Variants in MACROD2 observed in about 807,000 individuals in gnomAD.
MACROD2 encodes mono-ADP ribosylhydrolase 2.
MACROD2 carries 36 observed loss-of-function variants against 70.4 expected under a neutral mutation model. The ratio of observed to expected loss-of-function variants is 0.51; its 90% CI spans 0.39 to 0.68. The LOEUF is 0.68. Ranked by LOEUF, MACROD2 falls within the 30% of genes least tolerant of loss-of-function variation. MACROD2 has a pLI of 0.00. For synonymous variants in MACROD2, 172 were observed against 178.8 expected (o/e 0.96, Z 0.30); for missense variants, 496 against 538.4 (o/e 0.92, Z 0.78).
At chr20:14,652,827 G>A (rs1985746184) in intron 4 of MACROD2, among the ~76,000 whole-genome samples, 1 of 152,076 alleles carries the variant, frequency 6.6e-6, no homozygotes, top group Admixed American at 6.5e-5. Context: ...TGTTTATTTT[G>A]CCACTGGGAA....
At chr20:14,571,983 A>G (rs1223086874) in intron 4 of MACROD2, among the ~76,000 whole-genome samples, 1 of 152,038 alleles carries the variant, frequency 6.6e-6, no homozygotes, top group African/African-American at 2.4e-5. Context: ...CACTCTAATA[A>G]AATGATTAGT....
intron 5 of MACROD2, among the ~76,000 whole-genome samples, chr20:15,115,395 A>G (rs531273866): frequency 6.6e-6 from 1 of 152,090 alleles, no homozygotes; most frequent in Admixed American, 6.5e-5. Flanking sequence ...ATGCCCAGCT[A>G]ATTTTTTTTG....
At chr20:14,030,003 A>G (rs1376654147) in intron 2 of MACROD2, among the ~76,000 whole-genome samples, 1 of 152,194 alleles carries the variant, frequency 6.6e-6, no homozygotes, top group Non-Finnish European at 1.5e-5. Context: ...GGAGGGAGCT[A>G]AGAAATAGTA....
At chr20:16,009,485 G>A (rs1476721315) in intron 15 of MACROD2, among the ~76,000 whole-genome samples, 2 of 152,166 alleles carry the variant, frequency 1.3e-5, no homozygotes, top group East Asian at 1.9e-4. Flanking sequence ...GGCCAGGCAC[G>A]GTGGCTCATG....
chr20:15,852,540 G>T (rs1037424699), intron 8 of MACROD2, among the ~76,000 whole-genome samples: 1 of 152,226 alleles, frequency 6.6e-6, no homozygotes, highest in Non-Finnish European at 1.5e-5. Flanking sequence ...AGCAGGTTCT[G>T]TGGTGTTGTG....
chr20:15,880,327 G>A (rs938062434), intron 9 of MACROD2, among the ~76,000 whole-genome samples: 60 of 151,634 alleles, frequency 4.0e-4, no homozygotes, highest in African/African-American at 1.4e-3. Flanking sequence ...GATGATTCAC[G>A]TCCACATGTT....
At chr20:15,979,979 G>C (rs189873923) in intron 13 of MACROD2, among the ~76,000 whole-genome samples, 2 of 152,158 alleles carry the variant, frequency 1.3e-5, no homozygotes, top group African/African-American at 4.8e-5. Context: ...CGAGCTCCCC[G>C]AATGCACAAT....
intron 5 of MACROD2, among the ~76,000 whole-genome samples, chr20:15,008,173 T>A (rs1030462741): frequency 5.9e-5 from 9 of 152,172 alleles, no homozygotes; most frequent in African/African-American, 2.2e-4. Flanking sequence ...ATAAGATTAT[T>A]TAAAATCTTA....
At chr20:15,170,365 G>C (rs954881560) in intron 5 of MACROD2, among the ~76,000 whole-genome samples, 3 of 152,180 alleles carry the variant, frequency 2.0e-5, no homozygotes, top group Non-Finnish European at 4.4e-5. Context: ...GGAGATCAGA[G>C]AAAAGTCACT....
At chr20:15,951,374 G>C (rs1056663173) in intron 12 of MACROD2, among the ~76,000 whole-genome samples, 1 of 150,984 alleles carries the variant, frequency 6.6e-6, no homozygotes, top group African/African-American at 2.4e-5. Context: ...GAGAGAAAGA[G>C]CACAGGGGAA....
At chr20:14,295,193 T>C (rs2122465796) in intron 3 of MACROD2, among the ~76,000 whole-genome samples, 1 of 152,016 alleles carries the variant, frequency 6.6e-6, no homozygotes, top group African/African-American at 2.4e-5. Context: ...TAAATTCAGC[T>C]TGGAAACACT....
chr20:15,724,864 C>T (rs934085564), intron 8 of MACROD2, among the ~76,000 whole-genome samples: 3 of 152,096 alleles, frequency 2.0e-5, no homozygotes, highest in Admixed American at 1.3e-4. Context: ...AGGCGGATCA[C>T]GAGGTCAGGA....
Position 14,988,892 on chromosome 20 carries a change from T to C in MACROD2, c.419-241048T>C, listed in dbSNP as rs113978633. 7.3e-3 allele frequency among the ~76,000 whole-genome samples: 1,114 copies of C among 152,258 alleles called. 14 individuals are homozygous for C. The highest frequency in any genetic ancestry group is 0.025 in the African/African-American group (1,059 of 41,552). ...CGGAATTTCTGCAGACATTTAAAATTATTGTTTAATATTTAAATTATTTAT... is the reference window on the plus strand; with the variant it reads ...CGGAATTTCTGCAGACATTTAAAATCATTGTTTAATATTTAAATTATTTAT... On this transcript the variant is annotated intron_variant, in intron 5 of 17. Coordinates refer to ENST00000684519, the MANE Select transcript of MACROD2 (RefSeq NM_001351661.2).
intron 5 of MACROD2, among the ~76,000 whole-genome samples, chr20:15,133,054 G>A (rs145792746): frequency 6.6e-6 from 1 of 152,124 alleles, no homozygotes; most frequent in African/African-American, 2.4e-5. Context: ...AATTCCAGAT[G>A]GAAGAAAGTA....
Position 15,306,620 on chromosome 20 carries a change from A to G in MACROD2, c.540+76559A>G, listed in dbSNP as rs1179003264. Among the ~76,000 whole-genome samples, 4 of 152,100 alleles carry G rather than the reference A, an allele frequency of 2.6e-5. No individual in the cohort carries two copies. The East Asian group carries it at 7.7e-4, about 29-fold the overall frequency. On this transcript the variant is annotated intron_variant, in intron 6 of 17. Transcript: ENST00000684519. ...TCTCAGGGTCTATTTTCTTCCCTGA[A>G]TCCTCGTGTATGTGAAACTCTAACA...
intron 6 of MACROD2, among the ~76,000 whole-genome samples, chr20:15,232,140 A>C (rs2076964676): frequency 6.6e-6 from 1 of 151,308 alleles, no homozygotes; most frequent in Non-Finnish European, 1.5e-5. Context: ...ATGGTGTGTC[A>C]TGTTCTTGAT....
intron 6 of MACROD2, among the ~76,000 whole-genome samples, chr20:15,359,188 A>T (rs1475199714): frequency 6.6e-6 from 1 of 152,316 alleles, no homozygotes; most frequent in African/African-American, 2.4e-5. Context: ...GAGTCTACAC[A>T]AAGAAGAAAC....
In MACROD2 at chr20:14,867,094, T is replaced by C. The variant is rs539613857; in HGVS notation, c.418+182135T>C. Among the ~76,000 whole-genome samples the C allele has an allele frequency of 5.7e-4, 87 of 152,242 alleles. 2 individuals carry two copies. The South Asian group carries it at 0.017, about 29-fold the overall frequency. On this transcript the variant is annotated intron_variant, in intron 5 of 17. Coordinates refer to ENST00000684519, the MANE Select transcript of MACROD2 (RefSeq NM_001351661.2). ...TGTGTGCATTCCTCAAGGATCGTGT[T>C]TAGGTGGCCCTACTTGATGCTTTTC...
intron 6 of MACROD2, among the ~76,000 whole-genome samples, chr20:15,245,679 A>C (rs2077099367): frequency 6.6e-6 from 1 of 152,246 alleles, no homozygotes; most frequent in African/African-American, 2.4e-5. Context: ...ATTACATGAT[A>C]TATTTCACAC....
Sources: allele counts gnomAD v4.1 joint callset (sites outside exome capture counted in the v4.1 genomes callset), GRCh38; gene constraint gnomAD v4.1.1; transcripts MANE v1.5; gene names NCBI Gene and HGNC (gene_info 2026-07-23, HGNC 2026-07-21).